FEM1B: variants seen among roughly 807,000 people sequenced by gnomAD.
FEM1B encodes the protein protein fem-1 homolog B.
A neutral mutation model predicts 38.6 loss-of-function variants in FEM1B; 10 were observed. The ratio of observed to expected loss-of-function variants is 0.26; its 90% CI spans 0.16 to 0.44. The LOEUF is 0.44. Among genes scored for constraint, FEM1B ranks in the 20% least tolerant of loss-of-function variants. FEM1B has a pLI of 1.00. For synonymous variants in FEM1B, 288 were observed against 288.0 expected, an observed-to-expected ratio of 1.00 and a Z score of 0.00; for missense variants, 471 against 786.7, an observed-to-expected ratio of 0.60 and a Z score of 4.80.
Position 68,294,376 on chromosome 15 carries a change from T to A in FEM1B, c.*3134T>A, listed in dbSNP as rs1427457404. On this transcript the variant is annotated 3_prime_UTR_variant, in exon 2 of 2. Coordinates refer to ENST00000306917, the MANE Select transcript of FEM1B (RefSeq NM_015322.5). The surrounding 1 kb of genome is among the most constrained non-coding windows in gnomAD (Gnocchi z 4.4). ...TTATTTCATTATACTAATAGTGGAC[T>A]AATAATTGGTAATTGTGAGAACTTA... 6.6e-6 allele frequency: 1 copy of A among 152,176 alleles called. No individual in the cohort carries two copies. Among genetic ancestry groups the A allele is most frequent in the Non-Finnish European group, 1.5e-5 (1 of 68,014 alleles). 9.4% of individuals were successfully genotyped at this position (152,176 alleles called of 1,614,324 possible).
In FEM1B at chr15:68,291,036, G is replaced by A; in HGVS notation, c.1678G>A (p.Val560Ile). Residue 560 changes from valine (V) to isoleucine (I), a missense_variant, in exon 2 of 2, where the codon GTT (valine) becomes ATT (isoleucine). Val to Ile is a conservative substitution (Grantham distance 29). Around this residue, in one of 3 missense-constraint regions of FEM1B, gnomAD observed 380 missense variants for 599.6 expected, o/e 0.63. Transcript: ENST00000306917. The surrounding 1 kb of genome is among the most constrained non-coding windows in gnomAD (Gnocchi z 6.9). ...LTLHSIIISL[V>I]EAGAHTDMTN... The stretch of plus-strand genomic sequence containing the variant: ...CTTGCACTCCATCATCATTAGCCTA[G>A]TTGAAGCCGGAGCTCACACTGACAT... 1 of 1,614,122 alleles carries A rather than the reference G, an allele frequency of 6.2e-7. No individual in the cohort carries two copies. The highest frequency in any genetic ancestry group is 8.5e-7 in the Non-Finnish European group (1 of 1,180,002).
chr15:68,289,799 C>T lies in FEM1B; in HGVS notation c.441C>T (p.Ile147=). The T allele has an allele frequency of 1.9e-6, 3 of 1,614,140 alleles. 1 individual carries two copies. In the South Asian group the frequency reaches 3.3e-5, roughly 18 times the overall value. The change falls in exon 2 of 2, where the codon ATC becomes ATT. Residue 147 remains isoleucine (I), a synonymous_variant. Coordinates refer to ENST00000306917, the MANE Select transcript of FEM1B (RefSeq NM_015322.5). This position sits in a 1 kb window ranked among gnomAD's most constrained non-coding sequence, Gnocchi z 6.9. ...VKYLVENNAN[I]SIANKYDNTC... The stretch of plus-strand genomic sequence containing the variant: ...ACTTGGTTGAAAATAATGCCAACAT[C>T]AGCATTGCCAACAAATATGACAACA...
intron 1 of FEM1B, among the ~76,000 whole-genome samples, chr15:68,285,662 A>T (rs577936528): frequency 4.0e-5 from 6 of 149,968 alleles, no homozygotes; most frequent in African/African-American, 1.5e-4. Flanking sequence ...GGCCATTTGG[A>T]TATCTTTTGT....
At chr15:68,283,885 CTTT>C (rs35187853) in intron 1 of FEM1B, among the ~76,000 whole-genome samples, 18 of 139,130 alleles carry the variant, frequency 1.3e-4, no homozygotes, top group Non-Finnish European at 2.0e-4. Flanking sequence ...CTCACGTAAA[CTTT>C]TTTTTTTTTT....
rs1331727653 is a variant in FEM1B at position 68,280,658 on chromosome 15, G to C, written c.248+1993G>C. On this transcript the variant is annotated intron_variant, in intron 1 of 1. Transcript: ENST00000306917. The surrounding 1 kb of genome is among the most constrained non-coding windows in gnomAD (Gnocchi z 4.2). ...TAGTGTTTCAGTGCTGTTGCAAGAAGGGATTCAAGTTGGGGCAATTAAGAA... is the reference window on the plus strand; with the variant it reads ...TAGTGTTTCAGTGCTGTTGCAAGAACGGATTCAAGTTGGGGCAATTAAGAA... Among the ~76,000 whole-genome samples, 6 of 152,194 alleles carry C rather than the reference G, an allele frequency of 3.9e-5. No individual in the cohort carries two copies. The highest frequency in any genetic ancestry group is 1.4e-4 in the African/African-American group (6 of 41,454).
Position 68,290,020 on chromosome 15 carries a change from C to T in FEM1B, c.662C>T (p.Thr221Met), listed in dbSNP as rs1892829084. 5.6e-6 allele frequency: 9 copies of T among 1,614,178 alleles called. No homozygotes were observed. Among genetic ancestry groups the T allele is most frequent in the South Asian group, 1.1e-5 (1 of 91,088 alleles). ...AAIVVNGHGM[T>M]PLKVAAESCK... ...ATAGTAGTGAATGGCCATGGGATGA[C>T]GCCATTGAAAGTAGCTGCCGAAAGC... is the stretch of plus-strand genomic sequence containing the variant. The change falls in exon 2 of 2, where the codon ACG becomes ATG. Residue 221 changes from threonine (T) to methionine (M), a missense_variant. Physicochemically the swap from Thr to Met is moderately conservative, Grantham distance 81 (BLOSUM62 -1). Coordinates refer to ENST00000306917, the MANE Select transcript of FEM1B (RefSeq NM_015322.5). The surrounding 1 kb of genome is among the most constrained non-coding windows in gnomAD (Gnocchi z 9.7).
rs1272668058 is a variant in FEM1B, at chr15:68,292,243, C to T, written c.*1001C>T. 2.0e-5 allele frequency: 3 copies of T among 152,134 alleles called. No individual in the cohort carries two copies. Among genetic ancestry groups the T allele is most frequent in the Non-Finnish European group, 4.4e-5 (3 of 67,996 alleles). The allele number at this position is 152,134 out of a possible 1,614,324, so 9.4% of individuals were successfully genotyped here. A position where few individuals can be genotyped will look rare whatever the true frequency, so the allele number is the denominator to read the frequency against. ...GTTTGAATTTTTTCACTTTCTTAGT[C>T]TGTGACAAGAAGTAGAAATATCACT... On this transcript the variant is annotated 3_prime_UTR_variant, in exon 2 of 2. Coordinates refer to ENST00000306917, the MANE Select transcript of FEM1B (RefSeq NM_015322.5).
rs754622000 is a variant in FEM1B, at chr15:68,280,786, A to G, written c.248+2121A>G. Among the ~76,000 whole-genome samples, 8 of 152,226 alleles carry G rather than the reference A, an allele frequency of 5.3e-5. No individual in the cohort carries two copies. The highest frequency in any genetic ancestry group is 1.2e-4 in the Non-Finnish European group (8 of 68,036). On this transcript the variant is annotated intron_variant, in intron 1 of 1. Transcript: ENST00000306917. This position sits in a 1 kb window ranked among gnomAD's most constrained non-coding sequence, Gnocchi z 4.2. ...TTAAACTGCAATCTCAAATGTTTCC[A>G]TCATTTAAGATTTCATCTCCTTGAT...
rs1892894411 is a variant in FEM1B, at chr15:68,295,458, G to GTCTT, written c.*4218_*4221dup. 1 of 152,204 alleles carries GTCTT rather than the reference G, an allele frequency of 6.6e-6. No homozygotes were observed. The highest frequency in any genetic ancestry group is 2.1e-4 in the South Asian group (1 of 4,834). 9.4% of individuals were successfully genotyped at this position (152,204 alleles called of 1,614,324 possible). A position where few individuals can be genotyped will look rare whatever the true frequency, so the allele number is the denominator to read the frequency against. On this transcript the variant is annotated 3_prime_UTR_variant, in exon 2 of 2. Transcript: ENST00000306917. ...GGAAAGAAACTCAGCTTTCCTCACA[G>GTCTT]TCTTTTCAAAGGTACACAGTTGGGG...
chr15:68,282,950 C>T (rs544224515), intron 1 of FEM1B, among the ~76,000 whole-genome samples: 75 of 152,226 alleles, frequency 4.9e-4, no homozygotes, highest in African/African-American at 1.0e-3. Flanking sequence ...TCTTGTGAAA[C>T]ATTCTGCATT....
Position 68,284,073 on chromosome 15 carries a change from TG to T in FEM1B, c.248+5412del, listed in dbSNP as rs1438559552. Among the ~76,000 whole-genome samples, 1 of 152,022 alleles carries T rather than the reference TG, an allele frequency of 6.6e-6. No individual in the cohort carries two copies. The highest frequency in any genetic ancestry group is 1.5e-5 in the Non-Finnish European group (1 of 67,988). On this transcript the variant is annotated intron_variant, in intron 1 of 1. Coordinates refer to ENST00000306917, the MANE Select transcript of FEM1B (RefSeq NM_015322.5). The surrounding 1 kb of genome is among the most constrained non-coding windows in gnomAD (Gnocchi z 4.4). ...GCTAATTTTGTATTTTTAGTAGAGA[TG>T]GGGTTTTTCCGTGTTGGTCAGGCTG... is the stretch of plus-strand genomic sequence containing the variant.
In FEM1B at chr15:68,289,571, CTCTGTTA is replaced by C. The variant is rs1200743793; in HGVS notation, c.249-32_249-26del. 6.5e-7 allele frequency: 1 copy of C among 1,534,310 alleles called. No homozygotes were observed. The highest frequency in any genetic ancestry group is 2.2e-5 in the East Asian group (1 of 44,452). On this transcript the variant is annotated intron_variant, in intron 1 of 1. Transcript: ENST00000306917. The surrounding 1 kb of genome is among the most constrained non-coding windows in gnomAD (Gnocchi z 6.9). ...CCTTAAACATATGTTAGGCTGTGGC[CTCTGTTA>C]TCTAACTGCTTATTCTTTTCATGTG... is the stretch of plus-strand genomic sequence containing the variant.
intron 1 of FEM1B, among the ~76,000 whole-genome samples, chr15:68,279,722 G>T (rs769342748): frequency 6.6e-6 from 1 of 152,090 alleles, no homozygotes; most frequent in Non-Finnish European, 1.5e-5. Flanking sequence ...GTTCTGTTTC[G>T]GTTGATTCTT....
chr15:68,286,436 G>A (rs1454038125), intron 1 of FEM1B, among the ~76,000 whole-genome samples: 1 of 151,886 alleles, frequency 6.6e-6, no homozygotes, highest in Non-Finnish European at 1.5e-5. Context: ...GAGTGCAGTG[G>A]CCTGATCATG....
At chr15:68,285,892 C>T (rs1329360731) in intron 1 of FEM1B, among the ~76,000 whole-genome samples, 2 of 150,838 alleles carry the variant, frequency 1.3e-5, no homozygotes, top group Admixed American at 6.6e-5. Context: ...TTAATGAAAT[C>T]CAATAAATAC....
chr15:68,291,380 G>GTATT lies in FEM1B; in HGVS notation c.*140_*143dup, dbSNP rs1892846153. ...TCCCATCCCATCCTTCCTTAGTTCT[G>GTATT]TATTTGTTTTTCTTGCCTCATGGTA... On this transcript the variant is annotated 3_prime_UTR_variant, in exon 2 of 2. Coordinates refer to ENST00000306917, the MANE Select transcript of FEM1B (RefSeq NM_015322.5). The surrounding 1 kb of genome is among the most constrained non-coding windows in gnomAD (Gnocchi z 6.9). 4 of 644,760 alleles carry GTATT rather than the reference G, an allele frequency of 6.2e-6. No individual in the cohort carries two copies. Among genetic ancestry groups the GTATT allele is most frequent in the Admixed American group, 6.8e-5 (2 of 29,256 alleles). The allele number at this position is 644,760 out of a possible 1,614,324, so 39.9% of individuals were successfully genotyped here.
chr15:68,278,531 T>C lies in FEM1B; in HGVS notation c.114T>C (p.Tyr38=). The stretch of plus-strand genomic sequence containing the variant: ...GCGACATCCGCTATCTGCTTGGCTA[T>C]GTCAGCCAGCAGGGAGGGCAGCGCT... ...SESDIRYLLG[Y]VSQQGGQRST... Residue 38 remains tyrosine, a synonymous_variant, in exon 1 of 2, where the codon TAT becomes TAC. Transcript: ENST00000306917. The surrounding 1 kb of genome is among the most constrained non-coding windows in gnomAD (Gnocchi z 5.7). The C allele has an allele frequency of 1.2e-6, 2 of 1,614,068 alleles. No homozygotes were observed. Among genetic ancestry groups the C allele is most frequent in the Non-Finnish European group, 1.7e-6 (2 of 1,180,012 alleles).
rs945469001 is a variant in FEM1B at position 68,292,466 on chromosome 15, G to GTGAT, written c.*1226_*1229dup. The GTGAT allele has an allele frequency of 2.0e-5, 3 of 151,940 alleles. No homozygotes were observed. The highest frequency in any genetic ancestry group is 4.4e-5 in the Non-Finnish European group (3 of 67,932). The allele number at this position is 151,940 out of a possible 1,614,324, so 9.4% of individuals were successfully genotyped here. ...AACTGTCAAACTAAAAGGGTATTCT[G>GTGAT]TGATTATCTTTTAAGCATTACAGAA... On this transcript the variant is annotated 3_prime_UTR_variant, in exon 2 of 2. Coordinates refer to ENST00000306917, the MANE Select transcript of FEM1B (RefSeq NM_015322.5).
rs1367011129 is a variant in FEM1B at position 68,280,626 on chromosome 15, C to T, written c.248+1961C>T. On this transcript the variant is annotated intron_variant, in intron 1 of 1. Coordinates refer to ENST00000306917, the MANE Select transcript of FEM1B (RefSeq NM_015322.5). This position sits in a 1 kb window ranked among gnomAD's most constrained non-coding sequence, Gnocchi z 4.2. Reference sequence around the variant, plus strand: ...GAGGGGCAGCAGCTTGGTGCCCTTGCAGTGACTAGTGTTTCAGTGCTGTTG... The same window carrying T: ...GAGGGGCAGCAGCTTGGTGCCCTTGTAGTGACTAGTGTTTCAGTGCTGTTG... Among the ~76,000 whole-genome samples, 1 of 152,134 alleles carries T rather than the reference C, an allele frequency of 6.6e-6. No individual in the cohort carries two copies. Among genetic ancestry groups the T allele is most frequent in the Non-Finnish European group, 1.5e-5 (1 of 68,018 alleles).
Sources: allele counts gnomAD v4.1 joint callset (sites outside exome capture counted in the v4.1 genomes callset), GRCh38; gene constraint gnomAD v4.1.1; regional missense constraint gnomAD v4.1.1; non-coding constraint Gnocchi (gnomAD v3.1); transcripts MANE v1.5; gene names NCBI Gene and HGNC (gene_info 2026-07-23, HGNC 2026-07-21).